The following TRPV1 variants were observed in gnomAD, a reference collection of about 807,000 sequenced individuals.
TRPV1 encodes OTRPC1.
Under a neutral mutation model 82.3 loss-of-function variants are expected in TRPV1, and 82 were observed. The ratio of observed to expected loss-of-function variants is 1.00; its 90% CI spans 0.83 to 1.20. The LOEUF (loss-of-function observed/expected upper bound fraction) is 1.20, where lower values mean the gene tolerates loss of function less well. Ranked by LOEUF, TRPV1 falls within the 50% of genes most tolerant of loss-of-function variation. The pLI, the probability that TRPV1 is intolerant of heterozygous loss-of-function variation, is 0.00. For missense variants in TRPV1, 1,067 were observed against 1,096.8 expected (o/e 0.97, Z 0.38); for synonymous variants, 515 against 467.7 (o/e 1.10, Z -1.30).
intron 2 of TRPV1, among the ~76,000 whole-genome samples, chr17:3,593,996 C>T (rs1295749565): frequency 6.6e-6 from 1 of 151,750 alleles, no homozygotes; most frequent in Non-Finnish European, 1.5e-5. Context: ...GGCGTGGTGT[C>T]GGGCGCCTGT....
intron 16 of TRPV1, among the ~76,000 whole-genome samples, chr17:3,567,346 G>A (rs2074780449): frequency 6.9e-6 from 1 of 145,366 alleles, no homozygotes; most frequent in Non-Finnish European, 1.5e-5. Flanking sequence ...TCCAGCCTGG[G>A]CGAAAAGAGC....
At chr17:3,604,768 C>T (rs1183004235) in intron 2 of TRPV1, among the ~76,000 whole-genome samples, 3 of 152,072 alleles carry the variant, frequency 2.0e-5, no homozygotes, top group Admixed American at 6.6e-5. Context: ...CTACCCTGCC[C>T]TGAACTGGGT....
Position 3,577,588 on chromosome 17 carries a change from G to T in TRPV1, c.1713+10C>A. The T allele has an allele frequency of 1.3e-6, 2 of 1,568,530 alleles. No homozygotes were observed. The highest frequency in any genetic ancestry group is 2.4e-5 in the East Asian group (1 of 42,092). Reference sequence around the variant, plus strand: ...CTCTGAGGAGACCCACTGGGGCCCAGGGAACCCACCTTCTCTATCATGACG... The same window carrying T: ...CTCTGAGGAGACCCACTGGGGCCCATGGAACCCACCTTCTCTATCATGACG... On this transcript the variant is annotated intron_variant, in intron 12 of 16. Transcript: ENST00000572705.
Position 3,585,928 on chromosome 17 carries a change from T to C in TRPV1, c.1225-2A>G. The C allele has an allele frequency of 6.2e-7, 1 of 1,613,062 alleles. No homozygotes were observed. Reference sequence around the variant, plus strand: ...CACCAAGAGCATGTCGTGGCGATTCTAGGGGGTGGGGAGAGAAGTGAGGTT... The same window carrying C: ...CACCAAGAGCATGTCGTGGCGATTCCAGGGGGTGGGGAGAGAAGTGAGGTT... On this transcript the variant is annotated splice_acceptor_variant, in intron 8 of 16. Coordinates refer to ENST00000572705, the MANE Select transcript of TRPV1 (RefSeq NM_080704.4). LOFTEE classifies it high-confidence loss of function.
At position 3,577,749 on chromosome 17, in the gene TRPV1, A is replaced by C. The variant is rs999865913; in HGVS notation, c.1562T>G (p.Leu521Arg). Residue 521 changes from leucine to arginine, a missense_variant, in exon 12 of 17, where the codon CTG (leucine) becomes CGG (arginine). Coordinates refer to ENST00000572705, the MANE Select transcript of TRPV1 (RefSeq NM_080704.4). Reference protein sequence around the residue: ...YSEMLFFLQSLFMLATVVLYF... With the variant: ...YSEMLFFLQSRFMLATVVLYF... ...CAGCACCACGGTGGCCAGCATGAAC[A>C]GTGACTGCAGAAAGCTGCGGGTGGA... 1 of 1,592,714 alleles carries C rather than the reference A, an allele frequency of 6.3e-7. No individual in the cohort carries two copies. The highest frequency in any genetic ancestry group is 1.8e-5 in the Admixed American group (1 of 56,482).
chr17:3,583,008 C>T (rs1310375392), intron 10 of TRPV1, among the ~76,000 whole-genome samples: 1 of 151,310 alleles, frequency 6.6e-6, no homozygotes, highest in Non-Finnish European at 1.5e-5. Flanking sequence ...AGAGCTTTAA[C>T]AGATTGGTTT....
chr17:3,580,663 C>G, intron 10 of TRPV1, 136 bp from the exon 11 acceptor site: 1 of 895,428 alleles, frequency 1.1e-6, no homozygotes, highest in Non-Finnish European at 1.8e-6. Context: ...AAGAGCAGAA[C>G]AGCAAGGGTC....
chr17:3,581,886 G>GAA (rs36150459), intron 10 of TRPV1, among the ~76,000 whole-genome samples: 1 of 108,132 alleles, frequency 9.2e-6, no homozygotes, highest in Non-Finnish European at 1.8e-5. Context: ...CTCCATCTCA[G>GAA]AAAAAAAAAA....
In TRPV1 at chr17:3,590,377, T is replaced by C. The variant is rs188814211; in HGVS notation, c.620A>G (p.His207Arg). ...CATGTTGCGTCTCTCGATGGCGATG[T>C]GCAGTGCTGTCTGGCCTACAGAGGA... Reference protein sequence around the residue: ...DSYYKGQTALHIAIERRNMAL... With the variant: ...DSYYKGQTALRIAIERRNMAL... Residue 207 changes from histidine to arginine, a missense_variant, in exon 6 of 17, where the codon CAC becomes CGC. His to Arg is a conservative substitution (Grantham distance 29). Transcript: ENST00000572705. The C allele has an allele frequency of 5.0e-6, 8 of 1,613,908 alleles. No homozygotes were observed. The Admixed American group carries it at 1.3e-4, about 27-fold the overall frequency.
chr17:3,589,748 G>GTCC, intron 7 of TRPV1, 59 bp downstream of exon 7: 1 of 1,552,406 alleles, frequency 6.4e-7, no homozygotes, highest in Non-Finnish European at 8.7e-7. Flanking sequence ...GAGTCAGGCA[G>GTCC]TCCTCTCCCA....
rs189885516 is a variant in TRPV1, at chr17:3,605,403, G to A, written c.-34+3024C>T. On this transcript the variant is annotated intron_variant, in intron 2 of 16. Coordinates refer to ENST00000572705, the MANE Select transcript of TRPV1 (RefSeq NM_080704.4). ...TGTACACCTGTAATCCCAGCTACTC[G>A]CGAGGCTGAGGCATGAGAATTGCTG... is the stretch of plus-strand genomic sequence containing the variant. 7.2e-5 allele frequency among the ~76,000 whole-genome samples: 11 copies of A among 152,064 alleles called. No homozygotes were observed. In the South Asian group the frequency reaches 1.5e-3, roughly 20 times the overall value.
chr17:3,593,007 G>T (rs991502629), intron 2 of TRPV1: 2 of 152,700 alleles, frequency 1.3e-5, no homozygotes, highest in African/African-American at 4.8e-5. Flanking sequence ...GCTTATACGA[G>T]ATTTTGGATT....
At chr17:3,582,741 T>C (rs2075036824) in intron 10 of TRPV1, among the ~76,000 whole-genome samples, 1 of 152,026 alleles carries the variant, frequency 6.6e-6, no homozygotes, top group African/African-American at 2.4e-5. Context: ...GTGGATCACC[T>C]GAGGTCAGGA....
At chr17:3,594,073 A>T (rs1010848114) in intron 2 of TRPV1, among the ~76,000 whole-genome samples, 1 of 138,604 alleles carries the variant, frequency 7.2e-6, no homozygotes, top group Non-Finnish European at 1.5e-5. Context: ...GGTTACAGTG[A>T]GCTGAGACTG....
rs753018328 is a variant in TRPV1, at chr17:3,590,105, C to T, written c.746G>A (p.Gly249Asp). 3.7e-6 allele frequency: 6 copies of T among 1,602,998 alleles called. No individual in the cohort carries two copies. In the Admixed American group the frequency reaches 1.0e-4, roughly 27 times the overall value. Residue 249 changes from glycine (G) to aspartate (D), a missense_variant and splice_region_variant, in exon 7 of 17, where the codon GGT becomes GAT. Transcript: ENST00000572705. ...CGCGGCCAGGGACAGGGGCAGTTCA[C>T]CTGCATGAACACAGGGCCCAGGTGG... The part of the protein sequence containing the change: ...KTKGRPGFYF[G>D]ELPLSLAACT...
At chr17:3,608,695 A>G (rs1439219804) in intron 1 of TRPV1, 130 bp from the exon 2 acceptor site, 1 of 152,164 alleles carries the variant, frequency 6.6e-6, no homozygotes, top group Non-Finnish European at 1.5e-5. Flanking sequence ...AGGGGGGACT[A>G]CTGTGGACAG....
At chr17:3,577,968 T>C in intron 11 of TRPV1, 4 of 555,058 alleles carry the variant, frequency 7.2e-6, no homozygotes, top group Non-Finnish European at 1.3e-5. Flanking sequence ...GGTGAGGAGC[T>C]GTGCAAAATC....
chr17:3,580,889 G>A (rs1033086111), intron 10 of TRPV1, among the ~76,000 whole-genome samples: 2 of 152,040 alleles, frequency 1.3e-5, no homozygotes, highest in Admixed American at 6.6e-5. Flanking sequence ...CGTGGTGGCG[G>A]GCACCTGTAA....
intron 8 of TRPV1, among the ~76,000 whole-genome samples, chr17:3,587,749 G>A (rs1222946772): frequency 1.3e-5 from 2 of 151,382 alleles, no homozygotes; most frequent in African/African-American, 4.9e-5. Context: ...GGAGATAGAG[G>A]TTGCAGTGAG....
Sources: gnomAD v4.1 joint callset for allele counts (sites outside exome capture counted in the v4.1 genomes callset) on GRCh38, gnomAD v4.1.1 for gene constraint, MANE v1.5 for transcripts, NCBI Gene and HGNC (gene_info 2026-07-23, HGNC 2026-07-21) for gene names.